The following ADGRL3 variants were observed in gnomAD, a reference collection of about 807,000 sequenced individuals.
The protein encoded by ADGRL3 is calcium-independent alpha-latrotoxin receptor 3.
Under a neutral mutation model 153.5 loss-of-function variants are expected in ADGRL3, and 62 were observed. That is an observed-to-expected ratio of 0.40 (90% confidence interval 0.33 to 0.50). The LOEUF is 0.50. Ranked by LOEUF, ADGRL3 falls within the 20% of genes least tolerant of loss-of-function variation. ADGRL3 has a pLI of 0.47. For missense variants in ADGRL3, 1,641 were observed against 1,859.4 expected (o/e 0.88, Z 2.16); for synonymous variants, 710 against 672.5 (o/e 1.06, Z -0.86).
intron 8 of ADGRL3, among the ~76,000 whole-genome samples, chr4:61,793,944 A>T (rs971396386): frequency 6.6e-6 from 1 of 152,230 alleles, no homozygotes; most frequent in Non-Finnish European, 1.5e-5. Context: ...TTAAAGTAAA[A>T]TATAGATTTA....
At position 61,318,384 on chromosome 4, in the gene ADGRL3, C is replaced by T. The variant is rs533102594; in HGVS notation, c.-239-64740C>T. Among the ~76,000 whole-genome samples the T allele has an allele frequency of 6.6e-5, 10 of 152,176 alleles. No individual in the cohort carries two copies. The South Asian group carries it at 2.1e-3, about 32-fold the overall frequency. ...AGCTCTGGATTTGCTGATGGGCCAA[C>T]ATTTTACCTTCTCAGAGCTTCAGTA... On this transcript the variant is annotated intron_variant, in intron 1 of 26. Transcript: ENST00000683033.
At chr4:61,299,896 G>T (rs772534966) in intron 1 of ADGRL3, among the ~76,000 whole-genome samples, 4 of 151,896 alleles carry the variant, frequency 2.6e-5, no homozygotes, top group Non-Finnish European at 4.4e-5. Context: ...TAGAATATAC[G>T]CCATCTATTA....
intron 2 of ADGRL3, among the ~76,000 whole-genome samples, chr4:61,399,483 A>G (rs890293496): frequency 2.0e-5 from 3 of 151,686 alleles, no homozygotes; most frequent in African/African-American, 7.2e-5. Context: ...TTTTAGGTTC[A>G]TTTCATTAAT....
intron 1 of ADGRL3, among the ~76,000 whole-genome samples, chr4:61,236,008 CTTTTTTTTTT>C (rs55932029): frequency 2.1e-5 from 2 of 95,852 alleles, no homozygotes; most frequent in South Asian, 8.0e-4. Context: ...CTTTTCTTTT[CTTTTTTTTTT>C]TTTTTTTTTG....
intron 9 of ADGRL3, among the ~76,000 whole-genome samples, chr4:61,835,284 C>G (rs189390425): frequency 7.2e-6 from 1 of 139,138 alleles, no homozygotes; most frequent in Non-Finnish European, 1.5e-5. Context: ...CAGGCTACCA[C>G]TACCAGAAGT....
At chr4:61,700,951 C>T (rs943501073) in intron 6 of ADGRL3, among the ~76,000 whole-genome samples, 18 of 152,272 alleles carry the variant, frequency 1.2e-4, no homozygotes, top group African/African-American at 4.3e-4. Context: ...ACTTCTTTAA[C>T]CCCACTTGTA....
In ADGRL3 at chr4:62,058,472, T is replaced by G. The variant is rs1348897543; in HGVS notation, c.3815-9694T>G. On this transcript the variant is annotated intron_variant, in intron 25 of 26. Coordinates refer to ENST00000683033, the MANE Select transcript of ADGRL3 (RefSeq NM_001387552.1). ...AATTTCACGTACATTTTTCATTACTTAAACAAATATTTTTTGAGTTCTAGG... is the reference window on the plus strand; with the variant it reads ...AATTTCACGTACATTTTTCATTACTGAAACAAATATTTTTTGAGTTCTAGG... 2.6e-5 allele frequency among the ~76,000 whole-genome samples: 4 copies of G among 152,208 alleles called. No individual in the cohort carries two copies. In the East Asian group the frequency reaches 7.7e-4, roughly 29 times the overall value.
At chr4:61,724,846 T>G (rs561613172) in intron 6 of ADGRL3, among the ~76,000 whole-genome samples, 1 of 152,326 alleles carries the variant, frequency 6.6e-6, no homozygotes, top group East Asian at 1.9e-4. Flanking sequence ...TTATCTGTTT[T>G]GGAATAATAA....
chr4:61,244,364 A>G (rs1384604592), intron 1 of ADGRL3, among the ~76,000 whole-genome samples: 1 of 152,046 alleles, frequency 6.6e-6, no homozygotes, highest in Non-Finnish European at 1.5e-5. Flanking sequence ...AGTATTATAG[A>G]AGAGTTGCAG....
chr4:61,825,558 G>T (rs930569687), intron 9 of ADGRL3, among the ~76,000 whole-genome samples: 5 of 151,984 alleles, frequency 3.3e-5, no homozygotes, highest in African/African-American at 1.2e-4. Flanking sequence ...TATTTGAGTT[G>T]TGAATGGCTA....
At chr4:61,294,088 T>G (rs2094322102) in intron 1 of ADGRL3, among the ~76,000 whole-genome samples, 1 of 152,168 alleles carries the variant, frequency 6.6e-6, no homozygotes, top group African/African-American at 2.4e-5. Context: ...AGAAACCACT[T>G]TCGAAAATAC....
intron 5 of ADGRL3, among the ~76,000 whole-genome samples, chr4:61,620,732 T>C (rs912860640): frequency 7.0e-6 from 1 of 143,160 alleles, no homozygotes; most frequent in South Asian, 2.4e-4. Flanking sequence ...CTTCTGCCTC[T>C]CGGGTTCAAG....
intron 21 of ADGRL3, among the ~76,000 whole-genome samples, chr4:62,018,863 A>T (rs2099225198): frequency 6.6e-6 from 1 of 152,122 alleles, no homozygotes; most frequent in African/African-American, 2.4e-5. Context: ...CCAAAAGGAG[A>T]TACCATCCTG....
In ADGRL3 at chr4:61,286,624, A is replaced by G. The variant is rs143972561; in HGVS notation, c.-240+84859A>G. On this transcript the variant is annotated intron_variant, in intron 1 of 26. Coordinates refer to ENST00000683033, the MANE Select transcript of ADGRL3 (RefSeq NM_001387552.1). ...ACTCAGTAATTGGGAGATTGTGCAA[A>G]TAATTAAATATAATAATTCAGTTTG... 5.3e-3 allele frequency among the ~76,000 whole-genome samples: 801 copies of G among 151,884 alleles called. 7 individuals carry two copies. Among genetic ancestry groups the G allele is most frequent in the African/African-American group, 0.019 (773 of 41,536 alleles).
At chr4:61,874,511 C>G (rs897106627) in intron 9 of ADGRL3, among the ~76,000 whole-genome samples, 4 of 151,946 alleles carry the variant, frequency 2.6e-5, no homozygotes. Context: ...GGGAAATACA[C>G]AGAGCTGTGA....
At chr4:61,737,888 G>A (rs2096537584) in intron 8 of ADGRL3, among the ~76,000 whole-genome samples, 1 of 151,208 alleles carries the variant, frequency 6.6e-6, no homozygotes, top group Admixed American at 6.6e-5. Context: ...TTTTTATAAG[G>A]GTCTTTTTTT....
intron 1 of ADGRL3, among the ~76,000 whole-genome samples, chr4:61,349,220 A>G (rs1247331395): frequency 6.6e-6 from 1 of 152,102 alleles, no homozygotes; most frequent in Admixed American, 6.5e-5. Context: ...GCAAAACTTC[A>G]TAATAAATAG....
chr4:62,046,040 T>A (rs1432165937), intron 25 of ADGRL3, among the ~76,000 whole-genome samples: 1 of 151,960 alleles, frequency 6.6e-6, no homozygotes, highest in African/African-American at 2.4e-5. Flanking sequence ...AACGCCTCCA[T>A]AACCTAGGAT....
intron 8 of ADGRL3, among the ~76,000 whole-genome samples, chr4:61,767,955 G>A (rs907390756): frequency 6.6e-6 from 1 of 152,100 alleles, no homozygotes; most frequent in Non-Finnish European, 1.5e-5. Flanking sequence ...TCTAGTTTTT[G>A]GAGTTTTATT....
Sources: gnomAD v4.1 joint callset for allele counts (sites outside exome capture counted in the v4.1 genomes callset) on GRCh38, gnomAD v4.1.1 for gene constraint, MANE v1.5 for transcripts, NCBI Gene and HGNC (gene_info 2026-07-23, HGNC 2026-07-21) for gene names.